ASCC3: variants seen among roughly 807,000 people sequenced by gnomAD.
ASCC3 encodes ASC-1 complex subunit P200.
ASCC3 carries 158 observed loss-of-function variants against 256.3 expected under a neutral mutation model. The observed-to-expected ratio is 0.62, with a 90% CI of 0.54 to 0.70. The LOEUF is 0.70. Ranked by LOEUF, ASCC3 falls within the 30% of genes least tolerant of loss-of-function variation. The pLI, the probability that ASCC3 is intolerant of heterozygous loss-of-function variation, is 0.00. For missense variants in ASCC3, 2,259 were observed against 2,626.0 expected (o/e 0.86, Z 3.05); for synonymous variants, 948 against 883.4 (o/e 1.07, Z -1.30).
intron 8 of ASCC3, among the ~76,000 whole-genome samples, chr6:100,790,496 A>G (rs1443467005): frequency 1.3e-5 from 2 of 152,016 alleles, no homozygotes; most frequent in Admixed American, 6.6e-5. Context: ...AAGAAAATCT[A>G]TAAATAGCAA....
intron 2 of ASCC3, among the ~76,000 whole-genome samples, chr6:100,866,089 C>T (rs1343215108): frequency 2.6e-5 from 4 of 152,038 alleles, no homozygotes; most frequent in African/African-American, 7.3e-5. Context: ...CCTGCCTCAG[C>T]CTCCTGAGTA....
At chr6:100,768,163 A>T (rs1041495172) in intron 8 of ASCC3, among the ~76,000 whole-genome samples, 2 of 152,166 alleles carry the variant, frequency 1.3e-5, no homozygotes, top group African/African-American at 2.4e-5. Flanking sequence ...GTAGGAACAA[A>T]AGCCATAGAC....
intron 4 of ASCC3, among the ~76,000 whole-genome samples, chr6:100,820,750 G>T (rs1391668718): frequency 7.2e-5 from 11 of 151,926 alleles, no homozygotes; most frequent in African/African-American, 2.7e-4. Flanking sequence ...GATAAGGGGT[G>T]TGCATCCAAA....
intron 24 of ASCC3, among the ~76,000 whole-genome samples, chr6:100,640,610 AT>A (rs148247859): frequency 6.6e-6 from 1 of 152,164 alleles, no homozygotes; most frequent in Admixed American, 6.5e-5. Context: ...AGCACCAAAC[AT>A]TTTTTATATA....
intron 34 of ASCC3, among the ~76,000 whole-genome samples, chr6:100,592,871 C>A (rs866394235): frequency 6.6e-5 from 10 of 152,088 alleles, no homozygotes; most frequent in African/African-American, 2.2e-4. Context: ...CATTTCACAA[C>A]TGTTTAATTA....
intron 17 of ASCC3, among the ~76,000 whole-genome samples, chr6:100,655,354 C>T (rs930650850): frequency 1.3e-5 from 2 of 151,718 alleles, no homozygotes. Flanking sequence ...AGCTGATTAT[C>T]AAATATGGTC....
At chr6:100,849,019 T>C (rs958475458) in intron 3 of ASCC3, among the ~76,000 whole-genome samples, 3 of 152,112 alleles carry the variant, frequency 2.0e-5, no homozygotes, top group African/African-American at 7.2e-5. Flanking sequence ...GGTGGAAGGA[T>C]TGCTTGAGCC....
intron 36 of ASCC3, among the ~76,000 whole-genome samples, chr6:100,540,837 C>A (rs1379285482): frequency 6.6e-6 from 1 of 151,994 alleles, no homozygotes; most frequent in Non-Finnish European, 1.5e-5. Flanking sequence ...AACTTAAGAT[C>A]TTGTGAATGA....
At chr6:100,622,863 A>G (rs954020395) in intron 30 of ASCC3, among the ~76,000 whole-genome samples, 7 of 152,044 alleles carry the variant, frequency 4.6e-5, no homozygotes, top group Admixed American at 2.0e-4. Flanking sequence ...TGAGCTAACT[A>G]CAATTCTTTA....
intron 36 of ASCC3, among the ~76,000 whole-genome samples, chr6:100,540,976 T>C (rs889525809): frequency 3.9e-5 from 6 of 152,204 alleles, no homozygotes; most frequent in Admixed American, 2.6e-4. Context: ...AGTTAGATTG[T>C]TCTGGAATGT....
intron 14 of ASCC3, among the ~76,000 whole-genome samples, chr6:100,673,739 C>T (rs1254926595): frequency 6.6e-6 from 1 of 152,146 alleles, no homozygotes; most frequent in South Asian, 2.1e-4. Context: ...GAATTTTGGT[C>T]ACACAACTTG....
chr6:100,518,802 G>A (rs781593818), intron 37 of ASCC3, among the ~76,000 whole-genome samples: 25 of 152,220 alleles, frequency 1.6e-4, no homozygotes, highest in Admixed American at 3.9e-4. Context: ...AAACAAAGGC[G>A]AAGTTTACAC....
At chr6:100,672,261 G>A (rs1314405055) in intron 14 of ASCC3, among the ~76,000 whole-genome samples, 3 of 151,934 alleles carry the variant, frequency 2.0e-5, no homozygotes, top group African/African-American at 7.2e-5. Flanking sequence ...AGCTCCATAA[G>A]CGTAAAGGGA....
At chr6:100,745,698 G>A (rs1210164565) in intron 10 of ASCC3, among the ~76,000 whole-genome samples, 1 of 152,102 alleles carries the variant, frequency 6.6e-6, no homozygotes, top group Non-Finnish European at 1.5e-5. Flanking sequence ...CTACTGAACA[G>A]TTGAAATCAC....
rs867818667 is a variant in ASCC3 at position 100,646,568 on chromosome 6, T to C, written c.3633+47A>G. On this transcript the variant is annotated intron_variant, in intron 22 of 41. Transcript: ENST00000369162. ...GGAACAGATGTAGTTGAGTCTGTAGTACAGATATTTTTGTTTAACACAGAT... is the reference window on the plus strand; with the variant it reads ...GGAACAGATGTAGTTGAGTCTGTAGCACAGATATTTTTGTTTAACACAGAT... The C allele has an allele frequency of 2.5e-5, 40 of 1,594,240 alleles. No homozygotes were observed. The Middle Eastern group carries it at 5.3e-3, about 211-fold the overall frequency.
chr6:100,818,669 T>C (rs1266448072), intron 4 of ASCC3, among the ~76,000 whole-genome samples: 4 of 106,586 alleles, frequency 3.8e-5, no homozygotes, highest in Non-Finnish European at 7.4e-5. Context: ...AGATTAGAAA[T>C]AAGAAAAAAT....
chr6:100,839,497 C>CT (rs1343502213), intron 4 of ASCC3, among the ~76,000 whole-genome samples: 3 of 152,014 alleles, frequency 2.0e-5, no homozygotes, highest in Non-Finnish European at 4.4e-5. Context: ...ATTAATAATG[C>CT]TTTTTTACCC....
intron 30 of ASCC3, among the ~76,000 whole-genome samples, chr6:100,613,098 A>G (rs965557341): frequency 2.7e-5 from 4 of 149,510 alleles, no homozygotes; most frequent in Non-Finnish European, 5.9e-5. Flanking sequence ...GCATGCTTAA[A>G]TTTGTCTTAA....
chr6:100,684,709 C>T (rs563175201), intron 13 of ASCC3, among the ~76,000 whole-genome samples: 4 of 151,994 alleles, frequency 2.6e-5, no homozygotes, highest in African/African-American at 4.8e-5. Context: ...TAAAACACTT[C>T]CCCTTTAGCA....
Sources: gnomAD v4.1 joint callset for allele counts (sites outside exome capture counted in the v4.1 genomes callset) on GRCh38, gnomAD v4.1.1 for gene constraint, MANE v1.5 for transcripts, NCBI Gene and HGNC (gene_info 2026-07-23, HGNC 2026-07-21) for gene names.